The following KIF21B variants were observed in gnomAD, a reference collection of about 807,000 sequenced individuals.
The protein encoded by KIF21B is kinesin family member 21B.
A neutral mutation model predicts 192.9 loss-of-function variants in KIF21B; 85 were observed. The ratio of observed to expected loss-of-function variants is 0.44; its 90% CI spans 0.37 to 0.53. The LOEUF (loss-of-function observed/expected upper bound fraction) is 0.53. Among genes scored for constraint, KIF21B ranks in the 20% least tolerant of loss-of-function variants. The pLI, the probability that KIF21B is intolerant of heterozygous loss-of-function variation, is 0.00. For missense variants in KIF21B, 1,716 were observed against 2,194.8 expected, an observed-to-expected ratio of 0.78 and a Z score of 4.36; for synonymous variants, 832 against 884.6, an observed-to-expected ratio of 0.94 and a Z score of 1.05.
intron 4 of KIF21B, 50 bp from the exon 5 acceptor site, chr1:201,005,492 C>T: frequency 1.0e-5 from 16 of 1,597,006 alleles, no homozygotes; most frequent in Non-Finnish European, 1.4e-5. Context: ...GGTGCCAGCC[C>T]CTGCCCTTTC....
At position 201,023,366 on chromosome 1, in the gene KIF21B, G is replaced by A; in HGVS notation, c.18C>T (p.Asp6=). The A allele has an allele frequency of 6.5e-7, 1 of 1,529,306 alleles. No individual in the cohort carries two copies. Among genetic ancestry groups the A allele is most frequent in the Non-Finnish European group, 8.8e-7 (1 of 1,140,634 alleles). The allele number at this position is 1,529,306 out of a possible 1,614,324, so 94.7% of individuals were successfully genotyped here. A position where few individuals can be genotyped will look rare whatever the true frequency, so the allele number is the denominator to read the frequency against. ...ACCTGACGGCCACCTTGACGCAGCAGTCCCCCTGGCCGGCCATGGCCCTCT... is the reference window on the plus strand; with the variant it reads ...ACCTGACGGCCACCTTGACGCAGCAATCCCCCTGGCCGGCCATGGCCCTCT... The part of the protein sequence containing the change: MAGQG[D]CCVKVAVRIR... Residue 6 remains aspartate, a synonymous_variant, in exon 1 of 35, where the codon GAC becomes GAT. Coordinates refer to ENST00000461742, the MANE Select transcript of KIF21B (RefSeq NM_001252102.2). The surrounding 1 kb of genome is among the most constrained non-coding windows in gnomAD (Gnocchi z 5.9).
intron 16 of KIF21B, 118 bp downstream of exon 16, chr1:200,992,164 T>A: frequency 2.5e-6 from 2 of 795,780 alleles, no homozygotes; most frequent in South Asian, 3.2e-5. Context: ...GCATGACCAT[T>A]ACCACTTAGG....
In KIF21B at chr1:200,975,751, G is replaced by T; in HGVS notation, c.4444-82C>A. 7.3e-7 allele frequency: 1 copy of T among 1,378,390 alleles called. No individual in the cohort carries two copies. Among genetic ancestry groups the T allele is most frequent in the Non-Finnish European group, 9.7e-7 (1 of 1,026,342 alleles). 85.4% of individuals were successfully genotyped at this position (1,378,390 alleles called of 1,614,324 possible). A position where few individuals can be genotyped will look rare whatever the true frequency, so the allele number is the denominator to read the frequency against. On this transcript the variant is annotated intron_variant, in intron 32 of 34. Transcript: ENST00000461742. The surrounding 1 kb of genome is among the most constrained non-coding windows in gnomAD (Gnocchi z 4.3). Reference sequence around the variant, plus strand: ...TACAGCACTGTGGACCCAGAGGCCTGAAGACCCAGGAGTCTGGCTAGGGTG... The same window carrying T: ...TACAGCACTGTGGACCCAGAGGCCTTAAGACCCAGGAGTCTGGCTAGGGTG...
chr1:200,983,116 C>T, intron 27 of KIF21B, 22 bp from the exon 28 acceptor site: 3 of 1,535,358 alleles, frequency 2.0e-6, no homozygotes, highest in Non-Finnish European at 2.6e-6. Flanking sequence ...AGAAAATTAG[C>T]TGGATTAGGG....
At chr1:201,013,575 C>T (rs958487430) in intron 1 of KIF21B, among the ~76,000 whole-genome samples, 1 of 152,138 alleles carries the variant, frequency 6.6e-6, no homozygotes, top group Non-Finnish European at 1.5e-5. Context: ...CCAGGCTTGT[C>T]TCAAACTCCT....
rs1271460046 is a variant in KIF21B at position 201,017,238 on chromosome 1, G to A, written c.41+6105C>T. ...CAAGGAGAGTGGGGTGAAATGCCAG[G>A]GAGCAGGGATGTGCAGGAGGAGCTG... On this transcript the variant is annotated intron_variant, in intron 1 of 34. Coordinates refer to ENST00000461742, the MANE Select transcript of KIF21B (RefSeq NM_001252102.2). This position sits in a 1 kb window ranked among gnomAD's most constrained non-coding sequence, Gnocchi z 4.1. Among the ~76,000 whole-genome samples, 5 of 152,176 alleles carry A rather than the reference G, an allele frequency of 3.3e-5. No homozygotes were observed. Among genetic ancestry groups the A allele is most frequent in the Non-Finnish European group, 7.3e-5 (5 of 68,034 alleles).
In KIF21B at chr1:201,002,164, C is replaced by T. The variant is rs1284086179; in HGVS notation, c.1399G>A (p.Ala467Thr). Residue 467 changes from alanine (A) to threonine (T), a missense_variant, in exon 9 of 35, where the codon GCC becomes ACC. Ala to Thr is a moderately conservative substitution (Grantham distance 58). Around this residue, in one of 3 missense-constraint regions of KIF21B, gnomAD observed 1,087 missense variants for 1,316.6 expected, o/e 0.83. Coordinates refer to ENST00000461742, the MANE Select transcript of KIF21B (RefSeq NM_001252102.2). Reference protein sequence around the residue: ...SQEANLLLAKAGDGNEAIGAL... With the variant: ...SQEANLLLAKTGDGNEAIGAL... ...GGCCTGGCACAGCCCAACTCACCGG[C>T]CTTGGCTAGCAGCAGGTTGGCCTCC... The T allele has an allele frequency of 6.2e-7, 1 of 1,613,870 alleles. No individual in the cohort carries two copies. Among genetic ancestry groups the T allele is most frequent in the Non-Finnish European group, 8.5e-7 (1 of 1,180,018 alleles).
chr1:200,993,389 C>T (rs1656830892), intron 15 of KIF21B, among the ~76,000 whole-genome samples: 1 of 152,216 alleles, frequency 6.6e-6, no homozygotes, highest in Non-Finnish European at 1.5e-5. Context: ...GGGGGCTGGA[C>T]CAGAAGCCTC....
chr1:201,000,862 C>T lies in KIF21B; in HGVS notation c.1403-82G>A, dbSNP rs1037835178. 2.1e-6 allele frequency: 3 copies of T among 1,440,222 alleles called. No homozygotes were observed. Among genetic ancestry groups the T allele is most frequent in the African/African-American group, 2.8e-5 (2 of 70,614 alleles). 89.2% of individuals were successfully genotyped at this position (1,440,222 alleles called of 1,614,324 possible). Reference sequence around the variant, plus strand: ...GTGGCTCAGACCTATAATTCCAGCACTTTGGGAGGCCAAGGCGGGCGGATC... The same window carrying T: ...GTGGCTCAGACCTATAATTCCAGCATTTTGGGAGGCCAAGGCGGGCGGATC... On this transcript the variant is annotated intron_variant, in intron 9 of 34. Transcript: ENST00000461742. This position sits in a 1 kb window ranked among gnomAD's most constrained non-coding sequence, Gnocchi z 6.0.
rs1298701385 is a variant in KIF21B, at chr1:201,017,114, A to G, written c.41+6229T>C. Among the ~76,000 whole-genome samples, 1 of 152,100 alleles carries G rather than the reference A, an allele frequency of 6.6e-6. No individual in the cohort carries two copies. Among genetic ancestry groups the G allele is most frequent in the Non-Finnish European group, 1.5e-5 (1 of 68,008 alleles). ...GTAACGCTAAGGGTCAGGCAGGCTAACAGGGGAGGGGGTGCCTGCCATGAG... is the reference window on the plus strand; with the variant it reads ...GTAACGCTAAGGGTCAGGCAGGCTAGCAGGGGAGGGGGTGCCTGCCATGAG... On this transcript the variant is annotated intron_variant, in intron 1 of 34. Coordinates refer to ENST00000461742, the MANE Select transcript of KIF21B (RefSeq NM_001252102.2). The surrounding 1 kb of genome is among the most constrained non-coding windows in gnomAD (Gnocchi z 4.1).
At chr1:200,994,124 T>C (rs1656894127) in intron 15 of KIF21B, among the ~76,000 whole-genome samples, 3 of 152,212 alleles carry the variant, frequency 2.0e-5, no homozygotes, top group Admixed American at 1.3e-4. Flanking sequence ...CGACTTTGCA[T>C]GTGTAGCCAA....
rs1054773376 is a variant in KIF21B at position 201,004,301 on chromosome 1, C to A, written c.1016+39G>T. Reference sequence around the variant, plus strand: ...GCACTATTTTCCAGGAACCTCCCTGCCTCCCCTGTCCCTTCCCTGGGTGTT... The same window carrying A: ...GCACTATTTTCCAGGAACCTCCCTGACTCCCCTGTCCCTTCCCTGGGTGTT... On this transcript the variant is annotated intron_variant, in intron 7 of 34. Coordinates refer to ENST00000461742, the MANE Select transcript of KIF21B (RefSeq NM_001252102.2). The A allele has an allele frequency of 2.7e-6, 4 of 1,496,492 alleles. No individual in the cohort carries two copies. In the Admixed American group the frequency reaches 7.9e-5, roughly 29 times the overall value. 92.7% of individuals were successfully genotyped at this position (1,496,492 alleles called of 1,614,324 possible). A position where few individuals can be genotyped will look rare whatever the true frequency, so the allele number is the denominator to read the frequency against.
chr1:201,002,530 C>T (rs538673062), intron 8 of KIF21B, 180 bp from the exon 9 acceptor site: 1 of 578,382 alleles, frequency 1.7e-6, no homozygotes, highest in Admixed American at 3.0e-5. Context: ...GATCAAAAAC[C>T]TTACACAGTT....
chr1:201,007,481 T>A (rs1158182000), intron 3 of KIF21B, among the ~76,000 whole-genome samples: 2 of 57,508 alleles, frequency 3.5e-5, no homozygotes, highest in South Asian at 5.9e-4. Flanking sequence ...CAGAGACACA[T>A]AGACACACAC....
rs1386241819 is a variant in KIF21B, at chr1:200,974,805, C to T, written c.4723G>A (p.Asp1575Asn). ...ATCTCACCGATGGGTGTGAAGTTGT[C>T]CACGTTCCAGACCTTGATGACACCC... The part of the protein sequence containing the change: ...RAGVIKVWNV[D>N]NFTPIGEIKG... The change falls in exon 34 of 35, where the codon GAC (aspartate) becomes AAC (asparagine). Residue 1575 changes from aspartate to asparagine, a missense_variant. Asp to Asn is a conservative substitution (Grantham distance 23, BLOSUM62 1). Transcript: ENST00000461742. 1 of 1,614,240 alleles carries T rather than the reference C, an allele frequency of 6.2e-7. No individual in the cohort carries two copies. The highest frequency in any genetic ancestry group is 1.7e-5 in the Admixed American group (1 of 60,032).
intron 3 of KIF21B, among the ~76,000 whole-genome samples, chr1:201,006,178 C>T (rs1023693885): frequency 3.9e-5 from 6 of 152,228 alleles, no homozygotes; most frequent in African/African-American, 7.2e-5. Context: ...GGGAGGAACA[C>T]GCCTGTGTGC....
Position 200,990,663 on chromosome 1 carries a change from C to G in KIF21B, c.2748G>C (p.Trp916Cys). The G allele has an allele frequency of 6.2e-7, 1 of 1,614,124 alleles. No homozygotes were observed. Among genetic ancestry groups the G allele is most frequent in the Non-Finnish European group, 8.5e-7 (1 of 1,179,978 alleles). Residue 916 changes from tryptophan to cysteine, a missense_variant, in exon 19 of 35, where the codon TGG (tryptophan) becomes TGC (cysteine). Physicochemically the swap from Trp to Cys is radical, Grantham distance 215 (BLOSUM62 -2). Around this residue, in one of 3 missense-constraint regions of KIF21B, gnomAD observed 1,087 missense variants for 1,316.6 expected, o/e 0.83. Transcript: ENST00000461742. This position sits in a 1 kb window ranked among gnomAD's most constrained non-coding sequence, Gnocchi z 5.4. ...CAATGATCCGTCGCTCCAGGGACTG[C>G]CACTTGAGCCTTGCCGCCTTACTGA... is the stretch of plus-strand genomic sequence containing the variant. ...QSFSKAARLKWQSLERRIIDI... is the reference protein window; with the variant it reads ...QSFSKAARLKCQSLERRIIDI...
Position 201,005,382 on chromosome 1 carries a change from C to T in KIF21B, c.658G>A (p.Val220Met), listed in dbSNP as rs147387128. The part of the protein sequence containing the change: ...SRTTASTQMN[V>M]QSSRSHAIFT... ...ATGGCGTGGGAGCGTGAGCTCTGCA[C>T]GTTCATCTGGGTGCTGGCTGTGGTG... The change falls in exon 5 of 35, where the codon GTG (valine) becomes ATG (methionine). Residue 220 changes from valine to methionine, a missense_variant. Around this residue, in one of 3 missense-constraint regions of KIF21B, gnomAD observed 1,087 missense variants for 1,316.6 expected, o/e 0.83. Transcript: ENST00000461742. 24 of 1,613,210 alleles carry T rather than the reference C, an allele frequency of 1.5e-5. No homozygotes were observed. Among genetic ancestry groups the T allele is most frequent in the African/African-American group, 4.0e-5 (3 of 74,908 alleles).
At chr1:201,001,139 G>T (rs1331791041) in intron 9 of KIF21B, among the ~76,000 whole-genome samples, 1 of 150,814 alleles carries the variant, frequency 6.6e-6, no homozygotes, top group East Asian at 1.9e-4. Context: ...ATAAATAGCA[G>T]CAAGGGTCTT....
Sources: allele counts gnomAD v4.1 joint callset (sites outside exome capture counted in the v4.1 genomes callset), GRCh38; gene constraint gnomAD v4.1.1; regional missense constraint gnomAD v4.1.1; non-coding constraint Gnocchi (gnomAD v3.1); transcripts MANE v1.5; gene names NCBI Gene and HGNC (gene_info 2026-07-23, HGNC 2026-07-21).